Variants in SYNPR observed in about 807,000 individuals in gnomAD.
SYNPR encodes synaptoporin.
In SYNPR, 23 loss-of-function variants were observed where a neutral mutation model predicts 32.9. The ratio of observed to expected loss-of-function variants is 0.70; its 90% CI spans 0.50 to 0.99. SYNPR has a LOEUF of 0.99. Ranked by LOEUF, SYNPR falls within the 50% of genes least tolerant of loss-of-function variation. The pLI is 0.00. For synonymous variants in SYNPR, 146 were observed against 135.9 expected (o/e 1.07, Z -0.52); for missense variants, 318 against 349.3 (o/e 0.91, Z 0.71).
At chr3:63,297,286 C>T (rs1417708418) in intron 2 of SYNPR, among the ~76,000 whole-genome samples, 1 of 152,114 alleles carries the variant, frequency 6.6e-6, no homozygotes, top group Non-Finnish European at 1.5e-5. Context: ...TTATAAGACC[C>T]TGTATTTTCC....
rs1223518196 is a variant in SYNPR at position 63,313,633 on chromosome 3, A to C, written c.84+34891A>C. On this transcript the variant is annotated intron_variant, in intron 2 of 5. Coordinates refer to ENST00000478300, the MANE Select transcript of SYNPR (RefSeq NM_001130003.2). ...GTATACACACACATATACACACACAATGAAATACTACGCAGCCATAAAAAG... is the reference window on the plus strand; with the variant it reads ...GTATACACACACATATACACACACACTGAAATACTACGCAGCCATAAAAAG... Among the ~76,000 whole-genome samples the C allele has an allele frequency of 1.4e-5, 2 of 142,238 alleles. 1 individual carries two copies. The highest frequency in any genetic ancestry group is 1.4e-4 in the Admixed American group (2 of 14,022). 93.3% of individuals were successfully genotyped at this position (142,238 alleles called of 152,430 possible). A position where few individuals can be genotyped will look rare whatever the true frequency, so the allele number is the denominator to read the frequency against.
At chr3:63,481,858 G>A (rs72885484) in intron 3 of SYNPR, among the ~76,000 whole-genome samples, 3,217 of 152,192 alleles carry the variant, frequency 0.021, 125 homozygotes, top group African/African-American at 0.074. Context: ...GCCAATGGCC[G>A]GGCAGCGGGG....
rs1478890090 is a variant in SYNPR, at chr3:63,278,425, G to A, written c.-109G>A. 7 of 1,390,642 alleles carry A rather than the reference G, an allele frequency of 5.0e-6. No individual in the cohort carries two copies. Among genetic ancestry groups the A allele is most frequent in the Middle Eastern group, 2.5e-4 (1 of 3,946 alleles). The allele number at this position is 1,390,642 out of a possible 1,614,324, so 86.1% of individuals were successfully genotyped here. A position where few individuals can be genotyped will look rare whatever the true frequency, so the allele number is the denominator to read the frequency against. ...CCTCGCCGGGCTGCTCCAGGGTGTC[G>A]CTCCTCTGGCTGCTCCCGAAGGGGC... On this transcript the variant is annotated 5_prime_UTR_variant, in exon 1 of 6. Coordinates refer to ENST00000478300, the MANE Select transcript of SYNPR (RefSeq NM_001130003.2).
chr3:63,202,045 T>A, the SYNPR span, among the ~76,000 whole-genome samples: 4 of 152,186 alleles, frequency 2.6e-5, no homozygotes, highest in African/African-American at 9.7e-5. Context: ...CAGTAAGTTT[T>A]TTAAAAACCC....
intron 2 of SYNPR, among the ~76,000 whole-genome samples, chr3:63,411,104 C>T (rs1374473131): frequency 6.6e-6 from 1 of 152,100 alleles, no homozygotes; most frequent in East Asian, 1.9e-4. Flanking sequence ...AAGTAAAAAC[C>T]TGATCCGATG....
At chr3:63,375,205 G>C (rs1209891546) in intron 2 of SYNPR, among the ~76,000 whole-genome samples, 1 of 152,046 alleles carries the variant, frequency 6.6e-6, no homozygotes. Flanking sequence ...ATTTGACCCA[G>C]CAATCCCATT....
intron 2 of SYNPR, among the ~76,000 whole-genome samples, chr3:63,308,555 T>C (rs960686514): frequency 2.6e-5 from 4 of 151,936 alleles, no homozygotes; most frequent in African/African-American, 7.2e-5. Context: ...ATGTCATCTT[T>C]GTTTTCTAAA....
chr3:63,546,925 A>G (rs529977109), intron 3 of SYNPR, among the ~76,000 whole-genome samples: 3 of 152,268 alleles, frequency 2.0e-5, no homozygotes, highest in African/African-American at 2.4e-5. Flanking sequence ...AACCAAGGTT[A>G]GGAAAGAAAT....
At chr3:63,280,745 T>TGTGC (rs2086623665) in intron 2 of SYNPR, among the ~76,000 whole-genome samples, 1 of 151,334 alleles carries the variant, frequency 6.6e-6, no homozygotes, top group Non-Finnish European at 1.5e-5. Context: ...TGTGTGTGTG[T>TGTGC]GCACAGGTGA....
At position 63,250,851 on chromosome 3, in the gene SYNPR, T is replaced by C. The variant is rs142865883; in HGVS notation, n.67-1648T>C. On this transcript the variant is annotated intron_variant and non_coding_transcript_variant, in intron 1 of 4. Transcript: ENST00000478456. ...TGTGCTGAGCATGTGTTTAAGCTTC[T>C]GATCCATCCTATGGACCCATTAAAT... Among the ~76,000 whole-genome samples the C allele has an allele frequency of 6.0e-3, 914 of 152,298 alleles. 8 individuals are homozygous for C. Among genetic ancestry groups the C allele is most frequent in the African/African-American group, 0.021 (862 of 41,574 alleles).
chr3:63,331,255 T>C (rs1353666905), intron 2 of SYNPR, among the ~76,000 whole-genome samples: 1 of 152,180 alleles, frequency 6.6e-6, no homozygotes, highest in East Asian at 1.9e-4. Context: ...ATGAAACCTA[T>C]TGCCGTTCTA....
chr3:63,418,322 TATC>T (rs1167641060), intron 2 of SYNPR, among the ~76,000 whole-genome samples: 1 of 152,148 alleles, frequency 6.6e-6, no homozygotes, highest in East Asian at 1.9e-4. Flanking sequence ...TCATTGTCCC[TATC>T]ATTATCAGCA....
At chr3:63,610,375 C>G in intron 5 of SYNPR, 1 of 491,724 alleles carries the variant, frequency 2.0e-6, no homozygotes, top group Non-Finnish European at 3.7e-6. Flanking sequence ...CAGCGGTTAT[C>G]GAAGAATAGA....
At position 63,382,047 on chromosome 3, in the gene SYNPR, T is replaced by C. The variant is rs549238607; in HGVS notation, c.85-98785T>C. On this transcript the variant is annotated intron_variant, in intron 2 of 5. Coordinates refer to ENST00000478300, the MANE Select transcript of SYNPR (RefSeq NM_001130003.2). ...AATTTTTTTAAACATTTCTTTTAAA[T>C]ACACTTACAACTACATCAGACAATG... 2.6e-5 allele frequency among the ~76,000 whole-genome samples: 4 copies of C among 152,338 alleles called. No individual in the cohort carries two copies. The East Asian group carries it at 7.7e-4, about 29-fold the overall frequency.
intron 4 of SYNPR, among the ~76,000 whole-genome samples, chr3:63,597,919 G>C (rs1487822350): frequency 2.0e-5 from 3 of 152,152 alleles, no homozygotes; most frequent in Non-Finnish European, 4.4e-5. Context: ...TCTGCCCCCA[G>C]CTGAGCTGCC....
At chr3:63,286,861 A>C (rs947402529) in intron 2 of SYNPR, among the ~76,000 whole-genome samples, 2 of 152,192 alleles carry the variant, frequency 1.3e-5, no homozygotes, top group African/African-American at 2.4e-5. Context: ...GCAAACTGTT[A>C]ACTATCCTTC....
intron 2 of SYNPR, among the ~76,000 whole-genome samples, chr3:63,361,002 G>A (rs919586664): frequency 5.3e-4 from 81 of 152,276 alleles, no homozygotes; most frequent in African/African-American, 1.5e-3. Context: ...CTTCCTGCAC[G>A]TAATGGACAA....
At chr3:63,442,912 G>A (rs150529952) in intron 2 of SYNPR, among the ~76,000 whole-genome samples, 21 of 152,188 alleles carry the variant, frequency 1.4e-4, no homozygotes, top group African/African-American at 4.3e-4. Flanking sequence ...AAATCTATTC[G>A]TAAGATTTTA....
At position 63,595,742 on chromosome 3, in the gene SYNPR, T is replaced by A. The variant is rs1423225576; in HGVS notation, c.409-13383T>A. On this transcript the variant is annotated intron_variant, in intron 4 of 5. Coordinates refer to ENST00000478300, the MANE Select transcript of SYNPR (RefSeq NM_001130003.2). ...TTATATATATATATATATATATATA[T>A]ATATATATATATATATATATATATA... 3.6e-4 allele frequency among the ~76,000 whole-genome samples: 17 copies of A among 46,986 alleles called. 1 individual carries two copies. Among genetic ancestry groups the A allele is most frequent in the South Asian group, 3.5e-3 (6 of 1,704 alleles). The allele number at this position is 46,986 out of a possible 152,430, so 30.8% of individuals were successfully genotyped here. A position where few individuals can be genotyped will look rare whatever the true frequency, so the allele number is the denominator to read the frequency against.
Sources: allele counts gnomAD v4.1 joint callset (sites outside exome capture counted in the v4.1 genomes callset), GRCh38; gene constraint gnomAD v4.1.1; transcripts MANE v1.5; gene names NCBI Gene and HGNC (gene_info 2026-07-23, HGNC 2026-07-21).